The following VTA1 variants were observed in gnomAD, a reference collection of about 807,000 sequenced individuals.
VTA1 encodes the protein vacuolar protein sorting-associated protein VTA1 homolog.
VTA1 carries 24 observed loss-of-function variants against 36.9 expected under a neutral mutation model. The observed-to-expected ratio is 0.65, with a 90% CI of 0.47 to 0.91. VTA1 has a LOEUF of 0.91. Ranked by LOEUF, VTA1 falls within the 40% of genes least tolerant of loss-of-function variation. The pLI is 0.00. For missense variants in VTA1, 393 were observed against 377.2 expected (o/e 1.04, Z -0.35); for synonymous variants, 142 against 130.2 (o/e 1.09, Z -0.62).
At position 142,147,316 on chromosome 6, in the gene VTA1, T is replaced by A. The variant is rs765716031; in HGVS notation, c.29T>A (p.Leu10His). Reference sequence around the variant, plus strand: ...GCCGCGCTTGCACCGCTGCCCCCGCTCCCCGCACAGTTCAAGAGCATACAG... The same window carrying A: ...GCCGCGCTTGCACCGCTGCCCCCGCACCCCGCACAGTTCAAGAGCATACAG... MAALAPLPP[L>H]PAQFKSIQHH... The change falls in exon 1 of 8, where the codon CTC (leucine) becomes CAC (histidine). Residue 10 changes from leucine to histidine, a missense_variant. Transcript: ENST00000367630. 2 of 1,613,952 alleles carry A rather than the reference T, an allele frequency of 1.2e-6. No homozygotes were observed. Among genetic ancestry groups the A allele is most frequent in the African/African-American group, 2.7e-5 (2 of 74,884 alleles).
intron 1 of VTA1, among the ~76,000 whole-genome samples, chr6:142,150,619 A>T (rs947236953): frequency 4.6e-5 from 7 of 152,208 alleles, no homozygotes; most frequent in Admixed American, 6.5e-5. Context: ...AGCCTCCATT[A>T]ATTAAGGCAT....
intron 1 of VTA1, among the ~76,000 whole-genome samples, chr6:142,164,189 C>T (rs578185190): frequency 6.6e-6 from 1 of 152,196 alleles, no homozygotes; most frequent in South Asian, 2.1e-4. Context: ...ATACAGTAAG[C>T]TTAAATTTGA....
At chr6:142,156,445 C>A (rs1327686987) in intron 1 of VTA1, among the ~76,000 whole-genome samples, 1 of 152,154 alleles carries the variant, frequency 6.6e-6, no homozygotes, top group Admixed American at 6.5e-5. Context: ...AGCTCCATCT[C>A]TTTATTTTTC....
At chr6:142,186,329 T>TC (rs1459801080) in intron 4 of VTA1, among the ~76,000 whole-genome samples, 2 of 152,162 alleles carry the variant, frequency 1.3e-5, no homozygotes, top group Non-Finnish European at 2.9e-5. Context: ...GACCCTTGTA[T>TC]CCAAAGTTAG....
At chr6:142,197,686 G>A (rs1775580213) in intron 5 of VTA1, among the ~76,000 whole-genome samples, 1 of 152,162 alleles carries the variant, frequency 6.6e-6, no homozygotes, top group South Asian at 2.1e-4. Context: ...AAAGTCCGCT[G>A]TCAGAAAATG....
intron 7 of VTA1, among the ~76,000 whole-genome samples, chr6:142,216,061 G>A (rs1042614114): frequency 5.3e-5 from 8 of 152,062 alleles, no homozygotes; most frequent in Middle Eastern, 3.4e-3. Context: ...AATCTTTGAA[G>A]CATCTTTAAG....
chr6:142,212,861 C>T (rs1418638238), intron 7 of VTA1, among the ~76,000 whole-genome samples: 1 of 152,144 alleles, frequency 6.6e-6, no homozygotes, highest in South Asian at 2.1e-4. Context: ...CATCAGCCCC[C>T]ATGATCCAGT....
At chr6:142,216,490 A>G (rs1776006615) in intron 7 of VTA1, among the ~76,000 whole-genome samples, 1 of 152,106 alleles carries the variant, frequency 6.6e-6, no homozygotes, top group Non-Finnish European at 1.5e-5. Context: ...TACATTTTGG[A>G]TCTAAATCTG....
intron 5 of VTA1, among the ~76,000 whole-genome samples, chr6:142,192,989 C>T (rs986549338): frequency 1.3e-5 from 2 of 152,004 alleles, no homozygotes; most frequent in East Asian, 3.9e-4. Context: ...ATCTGATTTC[C>T]ATCTGTATTC....
At chr6:142,173,569 G>A (rs1775065984) in intron 4 of VTA1, among the ~76,000 whole-genome samples, 1 of 152,144 alleles carries the variant, frequency 6.6e-6, no homozygotes, top group Non-Finnish European at 1.5e-5. Context: ...TTAGAAGCAA[G>A]CACATAATCC....
chr6:142,203,896 A>C, intron 6 of VTA1, 89 bp from the exon 7 acceptor site: 1 of 1,018,170 alleles, frequency 9.8e-7, no homozygotes, highest in Non-Finnish European at 1.5e-6. Context: ...CAAAGTAATG[A>C]AATTGCCTCA....
At chr6:142,183,044 G>C (rs1388708832) in intron 4 of VTA1, among the ~76,000 whole-genome samples, 3 of 152,064 alleles carry the variant, frequency 2.0e-5, no homozygotes, top group Non-Finnish European at 4.4e-5. Flanking sequence ...CAAGTGTAAG[G>C]GGGGGCATCA....
intron 4 of VTA1, among the ~76,000 whole-genome samples, chr6:142,172,380 C>T (rs1582884452): frequency 6.6e-6 from 1 of 152,192 alleles, no homozygotes; most frequent in Non-Finnish European, 1.5e-5. Context: ...CTTGCCTGCA[C>T]ACTGCCAGTA....
chr6:142,210,183 A>G (rs1317005188), intron 7 of VTA1, among the ~76,000 whole-genome samples: 1 of 152,220 alleles, frequency 6.6e-6, no homozygotes, highest in African/African-American at 2.4e-5. Context: ...AATTTTTTCA[A>G]TAAATAGTGC....
rs1259650162 is a variant in VTA1 at position 142,198,115 on chromosome 6, A to ATGTGTGTG, written c.521-323_521-322insGTGTGTGT. Among the ~76,000 whole-genome samples, 120 of 76,528 alleles carry ATGTGTGTG rather than the reference A, an allele frequency of 1.6e-3. 1 individual carries two copies. The highest frequency in any genetic ancestry group is 4.3e-3 in the African/African-American group (107 of 24,756). 50.2% of individuals were successfully genotyped at this position (76,528 alleles called of 152,430 possible). A position where few individuals can be genotyped will look rare whatever the true frequency, so the allele number is the denominator to read the frequency against. On this transcript the variant is annotated intron_variant, in intron 5 of 7. Coordinates refer to ENST00000367630, the MANE Select transcript of VTA1 (RefSeq NM_016485.5). Reference sequence around the variant, plus strand: ...CCGTCTCAAAAAAAAATATATATATATATATGTGTGTGTGTGTGTGTGTGT... The same window carrying ATGTGTGTG: ...CCGTCTCAAAAAAAAATATATATATATGTGTGTGTATATGTGTGTGTGTGTGTGTGTGT...
At chr6:142,176,830 T>A (rs550286680) in intron 4 of VTA1, among the ~76,000 whole-genome samples, 1 of 152,176 alleles carries the variant, frequency 6.6e-6, no homozygotes, top group African/African-American at 2.4e-5. Flanking sequence ...CACATTTTGA[T>A]TGGCACAGAT....
chr6:142,204,166 T>C, intron 7 of VTA1, 101 bp downstream of exon 7: 1 of 1,040,824 alleles, frequency 9.6e-7, no homozygotes. Flanking sequence ...ATGTTGTTAC[T>C]GAAATTTGAA....
At chr6:142,169,919 A>G (rs1055426616) in intron 3 of VTA1, among the ~76,000 whole-genome samples, 4 of 152,046 alleles carry the variant, frequency 2.6e-5, no homozygotes, top group Admixed American at 2.6e-4. Flanking sequence ...CTACTTAGCT[A>G]TTTTTTAACA....
chr6:142,196,468 C>T (rs1426468343), intron 5 of VTA1, among the ~76,000 whole-genome samples: 2 of 152,152 alleles, frequency 1.3e-5, no homozygotes, highest in Non-Finnish European at 2.9e-5. Flanking sequence ...CTCTCAACCC[C>T]TGTGTGAGAA....
Sources: gnomAD v4.1 joint callset for allele counts (sites outside exome capture counted in the v4.1 genomes callset) on GRCh38, gnomAD v4.1.1 for gene constraint, MANE v1.5 for transcripts, NCBI Gene and HGNC (gene_info 2026-07-23, HGNC 2026-07-21) for gene names.